Variants in SZT2 observed in about 807,000 individuals in gnomAD.
SZT2 encodes SZT2 subunit of KICSTOR complex, also known as KICSTOR complex protein SZT2.
Under a neutral mutation model 404.2 loss-of-function variants are expected in SZT2, and 216 were observed. The observed-to-expected ratio is 0.53, with a 90% CI of 0.48 to 0.60. The LOEUF is 0.60. Ranked by LOEUF, SZT2 falls within the 20% of genes least tolerant of loss-of-function variation. The pLI, the probability that SZT2 is intolerant of heterozygous loss-of-function variation, is 0.00. For missense variants in SZT2, 3,857 were observed against 4,459.2 expected (o/e 0.86, Z 3.85); for synonymous variants, 1,693 against 1,749.9 (o/e 0.97, Z 0.81).
At chr1:43,446,918 C>T (rs2153936690) in intron 65 of SZT2, 37 bp from the exon 66 acceptor site, 1 of 1,586,126 alleles carries the variant, frequency 6.3e-7, no homozygotes, top group Non-Finnish European at 8.6e-7. Context: ...CCAGTGCAGC[C>T]ATACCTTAAC....
chr1:43,423,281 G>C lies in SZT2; in HGVS notation c.2220G>C (p.Val740=). ...QQALSDRPCL[V]VLHKPLDKLL... is the part of the protein sequence containing the mutation. ...CCCTGTCTGACCGGCCCTGCCTTGT[G>C]GTCCTGCATAAGCCACTGGACAAAC... is the stretch of plus-strand genomic sequence containing the variant. The change falls in exon 15 of 72, where the codon GTG becomes GTC. Residue 740 remains valine (V), a synonymous_variant. Transcript: ENST00000634258. 6.4e-7 allele frequency: 1 copy of C among 1,560,022 alleles called. No individual in the cohort carries two copies. The highest frequency in any genetic ancestry group is 8.6e-7 in the Non-Finnish European group (1 of 1,161,682).
At chr1:43,421,016 C>T (rs775123963) in intron 10 of SZT2, 33 bp downstream of exon 10, 2 of 1,593,786 alleles carry the variant, frequency 1.3e-6, no homozygotes, top group Non-Finnish European at 8.5e-7. Flanking sequence ...GAGTGCTGCC[C>T]CATTTGTTGT....
chr1:43,446,993 G>A lies in SZT2; in HGVS notation c.9111G>A (p.Arg3037=). ...MLFTEECDKV[R]DLMHVHSFSY... ...TCACAGAGGAGTGTGACAAGGTGCG[G>A]GACCTGATGCACGTGCACTCGTTCA... The change falls in exon 66 of 72, where the codon CGG becomes CGA. Residue 3037 remains arginine, a synonymous_variant. Transcript: ENST00000634258. 6.2e-7 allele frequency: 1 copy of A among 1,613,578 alleles called. No homozygotes were observed. Among genetic ancestry groups the A allele is most frequent in the South Asian group, 1.1e-5 (1 of 91,080 alleles).
Position 43,453,489 on chromosome 1 carries a change from C to T in SZT2, c.*3009C>T. ...GCCCCCAGCCCCATTTCCCCCTTCT[C>T]TTGGTCTCCTGCAGAGAGAACGGGC... On this transcript the variant is annotated 3_prime_UTR_variant, in exon 72 of 72. Coordinates refer to ENST00000634258, the MANE Select transcript of SZT2 (RefSeq NM_001365999.1). 3.9e-6 allele frequency: 6 copies of T among 1,555,542 alleles called. No individual in the cohort carries two copies. Among genetic ancestry groups the T allele is most frequent in the Non-Finnish European group, 5.2e-6 (6 of 1,148,900 alleles).
chr1:43,451,557 G>T lies in SZT2; in HGVS notation c.*1077G>T. On this transcript the variant is annotated 3_prime_UTR_variant, in exon 72 of 72. Transcript: ENST00000634258. ...ACCTGCACATGCCCTGGGGACAGAT[G>T]TGGACAAATGTGGGGTCCAGGCTCC... is the stretch of plus-strand genomic sequence containing the variant. 1 of 1,613,632 alleles carries T rather than the reference G, an allele frequency of 6.2e-7. No individual in the cohort carries two copies. Among genetic ancestry groups the T allele is most frequent in the Non-Finnish European group, 8.5e-7 (1 of 1,179,636 alleles).
At chr1:43,412,543 C>T (rs540208771) in intron 4 of SZT2, 1 of 152,230 alleles carries the variant, frequency 6.6e-6, no homozygotes, top group South Asian at 2.1e-4. Context: ...ATCTTGGCCT[C>T]CCAAAGTGCT....
At chr1:43,449,827 C>G in intron 70 of SZT2, 2 of 550,910 alleles carry the variant, frequency 3.6e-6, no homozygotes, top group South Asian at 4.0e-5. Flanking sequence ...GGGTACAGCA[C>G]TCTCTGTTGA....
In SZT2 at chr1:43,439,228, CATT is replaced by C. The variant is rs1654799422; in HGVS notation, c.6793-125_6793-123del. The C allele has an allele frequency of 2.0e-6, 3 of 1,514,800 alleles. No individual in the cohort carries two copies. The highest frequency in any genetic ancestry group is 1.4e-5 in the African/African-American group (1 of 73,152). 93.8% of individuals were successfully genotyped at this position (1,514,800 alleles called of 1,614,324 possible). On this transcript the variant is annotated intron_variant, in intron 48 of 71. Coordinates refer to ENST00000634258, the MANE Select transcript of SZT2 (RefSeq NM_001365999.1). This position sits in a 1 kb window ranked among gnomAD's most constrained non-coding sequence, Gnocchi z 4.2. ...GGTACACCCATGCCCCCCCGGGGAC[CATT>C]ATTACCCGCCTGTGTCTTCTCATGC...
chr1:43,407,532 A>G (rs1310865807), intron 4 of SZT2, among the ~76,000 whole-genome samples: 2 of 151,732 alleles, frequency 1.3e-5, no homozygotes, highest in Non-Finnish European at 2.9e-5. Flanking sequence ...AAAAAACAAG[A>G]TATATCCTGT....
chr1:43,422,294 G>A, intron 12 of SZT2, 69 bp downstream of exon 12: 1 of 1,516,058 alleles, frequency 6.6e-7, no homozygotes, highest in Admixed American at 1.9e-5. Flanking sequence ...GGAATGATGG[G>A]AAGGGGAGCA....
chr1:43,415,826 A>G (rs1015393320), intron 5 of SZT2, 134 bp from the exon 6 acceptor site: 1 of 1,011,004 alleles, frequency 9.9e-7, no homozygotes, highest in Admixed American at 2.8e-5. Context: ...TCAGCCGCAT[A>G]GTAGGGGAAT....
intron 5 of SZT2, 24 bp from the exon 6 acceptor site, chr1:43,415,936 T>C (rs1458662084): frequency 6.3e-7 from 1 of 1,589,120 alleles, no homozygotes; most frequent in East Asian, 2.2e-5. Flanking sequence ...TGCCCCATTC[T>C]GTCTTTTCTG....
chr1:43,416,721 C>T, intron 7 of SZT2, 80 bp downstream of exon 7: 4 of 1,101,818 alleles, frequency 3.6e-6, no homozygotes, highest in Middle Eastern at 2.0e-4. Context: ...TTCTTACAGG[C>T]AGTGATTTCC....
chr1:43,426,311 C>A lies in SZT2; in HGVS notation c.3044-57C>A. 6.6e-7 allele frequency: 1 copy of A among 1,504,508 alleles called. No homozygotes were observed. Among genetic ancestry groups the A allele is most frequent in the Non-Finnish European group, 8.9e-7 (1 of 1,125,934 alleles). 93.2% of individuals were successfully genotyped at this position (1,504,508 alleles called of 1,614,324 possible). A position where few individuals can be genotyped will look rare whatever the true frequency, so the allele number is the denominator to read the frequency against. On this transcript the variant is annotated intron_variant, in intron 21 of 71. Coordinates refer to ENST00000634258, the MANE Select transcript of SZT2 (RefSeq NM_001365999.1). This position sits in a 1 kb window ranked among gnomAD's most constrained non-coding sequence, Gnocchi z 4.9. The stretch of plus-strand genomic sequence containing the variant: ...GAGGGGCCAGCTGGTCAGGGCTGAG[C>A]CGGGGGCACCGGGCAGCAGGAGGCT...
At chr1:43,446,516 C>T (rs771808872) in intron 65 of SZT2, 100 bp downstream of exon 65, 186 of 1,433,984 alleles carry the variant, frequency 1.3e-4, no homozygotes, top group Non-Finnish European at 1.6e-4. Context: ...ATGCAGTAGG[C>T]GGGCTGGCCC....
intron 4 of SZT2, among the ~76,000 whole-genome samples, chr1:43,407,978 G>A (rs1397141595): frequency 2.6e-5 from 4 of 151,498 alleles, no homozygotes; most frequent in African/African-American, 4.8e-5. Flanking sequence ...GACTACAGGC[G>A]CCCGCCACCA....
chr1:43,441,532 G>A lies in SZT2; in HGVS notation c.7540G>A (p.Glu2514Lys), dbSNP rs1200201673. 3 of 1,614,060 alleles carry A rather than the reference G, an allele frequency of 1.9e-6. No homozygotes were observed. The African/African-American group carries it at 4.0e-5, about 22-fold the overall frequency. The change falls in exon 54 of 72, where the codon GAG becomes AAG. Residue 2514 changes from glutamate (E) to lysine (K), a missense_variant. Physicochemically the swap from Glu to Lys is moderately conservative, Grantham distance 56. Around this residue, in one of 7 missense-constraint regions of SZT2, gnomAD observed 573 missense variants for 592.4 expected, o/e 0.97. Transcript: ENST00000634258. This position sits in a 1 kb window ranked among gnomAD's most constrained non-coding sequence, Gnocchi z 4.8. Reference protein sequence around the residue: ...KRRTTQLEEGEVGTLHPVFAR... With the variant: ...KRRTTQLEEGKVGTLHPVFAR... The stretch of plus-strand genomic sequence containing the variant: ...CCGGACAACACAGCTAGAAGAGGGT[G>A]AGGTGGGGACCCTTCATCCTGTGTT...
At chr1:43,438,673 C>T (rs764862759) in intron 46 of SZT2, 26 bp from the exon 47 acceptor site, 2 of 1,607,112 alleles carry the variant, frequency 1.2e-6, no homozygotes, top group African/African-American at 2.7e-5. Flanking sequence ...CCAGTGTCCC[C>T]ACCTTCCCAC....
At chr1:43,418,792 T>C (rs930121777) in intron 7 of SZT2, among the ~76,000 whole-genome samples, 1 of 152,086 alleles carries the variant, frequency 6.6e-6, no homozygotes, top group Non-Finnish European at 1.5e-5. Context: ...TGGATAGATT[T>C]GGAGAGAGCA....
Sources: gnomAD v4.1 joint callset for allele counts (sites outside exome capture counted in the v4.1 genomes callset) on GRCh38, gnomAD v4.1.1 for gene constraint, gnomAD v4.1.1 regional missense constraint, Gnocchi (gnomAD v3.1) non-coding constraint, MANE v1.5 for transcripts, NCBI Gene and HGNC (gene_info 2026-07-23, HGNC 2026-07-21) for gene names.